SZT2: variants seen among roughly 807,000 people sequenced by gnomAD.
The protein encoded by SZT2 is KICSTOR complex protein SZT2.
In SZT2, 216 loss-of-function variants were observed where a neutral mutation model predicts 404.2. The observed-to-expected ratio is 0.53, with a 90% confidence interval of 0.48 to 0.60. SZT2 has a LOEUF of 0.60. Among genes scored for constraint, SZT2 ranks in the 20% least tolerant of loss-of-function variants. The pLI is 0.00. For synonymous variants in SZT2, 1,693 were observed against 1,749.9 expected, an observed-to-expected ratio of 0.97 and a Z score of 0.81; for missense variants, 3,857 against 4,459.2, an observed-to-expected ratio of 0.86 and a Z score of 3.85.
In SZT2 at chr1:43,442,998, C is replaced by T. The variant is rs774971146; in HGVS notation, c.8331C>T (p.Ser2777=). The change falls in exon 59 of 72, where the codon AGC becomes AGT. Residue 2777 remains serine, a synonymous_variant. Coordinates refer to ENST00000634258, the MANE Select transcript of SZT2 (RefSeq NM_001365999.1). The surrounding 1 kb of genome is among the most constrained non-coding windows in gnomAD (Gnocchi z 4.5). ...ALRDITAARP[S]SVLGPVPRPP... ...GGGATATCACGGCTGCCCGCCCCAG[C>T]TCCGTACTTGGTCCTGTGCCCAGAC... 3.1e-6 allele frequency: 5 copies of T among 1,614,072 alleles called. No homozygotes were observed. The East Asian group carries it at 8.9e-5, about 29-fold the overall frequency.
In SZT2 at chr1:43,426,273, C is replaced by A; in HGVS notation, c.3044-95C>A. The stretch of plus-strand genomic sequence containing the variant: ...ATGAGTGGTGGGGGCAGGAGGAGCC[C>A]ATGAGGCTGAAGGAGGGGCCAGCTG... On this transcript the variant is annotated intron_variant, in intron 21 of 71. Transcript: ENST00000634258. The surrounding 1 kb of genome is among the most constrained non-coding windows in gnomAD (Gnocchi z 4.9). 6.7e-7 allele frequency: 1 copy of A among 1,493,786 alleles called. No homozygotes were observed. The highest frequency in any genetic ancestry group is 9.0e-7 in the Non-Finnish European group (1 of 1,114,236). The allele number at this position is 1,493,786 out of a possible 1,614,324, so 92.5% of individuals were successfully genotyped here. A position where few individuals can be genotyped will look rare whatever the true frequency, so the allele number is the denominator to read the frequency against.
intron 46 of SZT2, 110 bp from the exon 47 acceptor site, chr1:43,438,589 C>T (rs1654715734): frequency 2.9e-6 from 3 of 1,038,836 alleles, no homozygotes; most frequent in Non-Finnish European, 4.4e-6. Flanking sequence ...GCACTCCTAA[C>T]ACTGCCTCTA....
chr1:43,451,082 G>T lies in SZT2; in HGVS notation c.*602G>T. 1 of 835,024 alleles carries T rather than the reference G, an allele frequency of 1.2e-6. No individual in the cohort carries two copies. Among genetic ancestry groups the T allele is most frequent in the South Asian group, 1.3e-5 (1 of 74,850 alleles). 51.7% of individuals were successfully genotyped at this position (835,024 alleles called of 1,614,324 possible). A position where few individuals can be genotyped will look rare whatever the true frequency, so the allele number is the denominator to read the frequency against. ...CAACCCTGGCACTGGCTTCTCAATG[G>T]GAGGGAAGCAGCAGAGAAACTGAAG... On this transcript the variant is annotated 3_prime_UTR_variant, in exon 72 of 72. Coordinates refer to ENST00000634258, the MANE Select transcript of SZT2 (RefSeq NM_001365999.1).
chr1:43,451,369 C>A lies in SZT2; in HGVS notation c.*889C>A, dbSNP rs747330436. 1 of 1,611,948 alleles carries A rather than the reference C, an allele frequency of 6.2e-7. No individual in the cohort carries two copies. Among genetic ancestry groups the A allele is most frequent in the Non-Finnish European group, 8.5e-7 (1 of 1,180,002 alleles). On this transcript the variant is annotated 3_prime_UTR_variant, in exon 72 of 72. Coordinates refer to ENST00000634258, the MANE Select transcript of SZT2 (RefSeq NM_001365999.1). ...CCACAAGGAGAAAACAGCCCCTGTC[C>A]GGGTCCCTCCAGAGCTCCCTTCCCC... is the stretch of plus-strand genomic sequence containing the variant.
chr1:43,422,608 A>T lies in SZT2; in HGVS notation c.1898A>T (p.Tyr633Phe), dbSNP rs769983506. ...DWSSFVLVEG[Y>F]SYVKLLSSAP... ...AGCAGCTTCGTACTAGTCGAGGGCT[A>T]TTCTTATGTTAAGCTGCTCTCCAGG... Residue 633 changes from tyrosine (Y) to phenylalanine (F), a missense_variant, in exon 13 of 72, where the codon TAT becomes TTT. Physicochemically the swap from Tyr to Phe is conservative, Grantham distance 22. Transcript: ENST00000634258. 40 of 1,596,706 alleles carry T rather than the reference A, an allele frequency of 2.5e-5. No homozygotes were observed. In the African/African-American group the frequency reaches 4.8e-4, roughly 19 times the overall value.
chr1:43,449,430 C>G (rs1570749023), intron 70 of SZT2: 1 of 159,408 alleles, frequency 6.3e-6, no homozygotes, highest in Non-Finnish European at 1.4e-5. Flanking sequence ...GAAGGGTCTC[C>G]CAGAGAAGCC....
In SZT2 at chr1:43,416,121, G is replaced by T. The variant is rs755095090; in HGVS notation, c.772+20G>T. 31 of 1,596,688 alleles carry T rather than the reference G, an allele frequency of 1.9e-5. No homozygotes were observed. Among genetic ancestry groups the T allele is most frequent in the Non-Finnish European group, 2.5e-5 (29 of 1,178,802 alleles). ...GTGCAGGTCAGTAGAAGGAATATTG[G>T]TGGGACTGGGGAAGCAGGGATACAG... is the stretch of plus-strand genomic sequence containing the variant. On this transcript the variant is annotated intron_variant, in intron 6 of 71. Transcript: ENST00000634258.
Position 43,432,247 on chromosome 1 carries a change from T to C in SZT2, c.5275-25T>C. 3 of 1,527,084 alleles carry C rather than the reference T, an allele frequency of 2.0e-6. No individual in the cohort carries two copies. In the South Asian group the frequency reaches 3.9e-5, roughly 20 times the overall value. 94.6% of individuals were successfully genotyped at this position (1,527,084 alleles called of 1,614,324 possible). On this transcript the variant is annotated intron_variant, in intron 36 of 71. Coordinates refer to ENST00000634258, the MANE Select transcript of SZT2 (RefSeq NM_001365999.1). Reference sequence around the variant, plus strand: ...GTAGGGAGGACTGCCCTGCCTAAACTGTGATCTTGGCTCCTGCTCTCTAGG... The same window carrying C: ...GTAGGGAGGACTGCCCTGCCTAAACCGTGATCTTGGCTCCTGCTCTCTAGG...
intron 4 of SZT2, among the ~76,000 whole-genome samples, chr1:43,408,279 T>A (rs1431346806): frequency 2.6e-5 from 4 of 152,024 alleles, no homozygotes; most frequent in Admixed American, 6.6e-5. Flanking sequence ...TTGTTTTGTT[T>A]AAGAGACAGG....
At chr1:43,402,192 C>T (rs1364510854) in intron 1 of SZT2, among the ~76,000 whole-genome samples, 1 of 152,158 alleles carries the variant, frequency 6.6e-6, no homozygotes, top group Non-Finnish European at 1.5e-5. Flanking sequence ...TAATCAGGGA[C>T]ACAGGAGGAG....
At position 43,427,401 on chromosome 1, in the gene SZT2, CT is replaced by C; in HGVS notation, c.3555del (p.Thr1186GlnfsTer10). On this transcript the variant is annotated frameshift_variant, in exon 25 of 72. Coordinates refer to ENST00000634258, the MANE Select transcript of SZT2 (RefSeq NM_001365999.1). LOFTEE classifies it high-confidence loss of function. ...LKDLGGTGIK[A>X]TKSHVPVLSV... ...GATCTAGGAGGAACTGGGATCAAAG[CT>C]ACAAAGTCCCACGTCCCTGTCCTCA... 6.2e-7 allele frequency: 1 copy of C among 1,613,814 alleles called. No homozygotes were observed. The highest frequency in any genetic ancestry group is 1.1e-5 in the South Asian group (1 of 90,994).
rs192791002 is a variant in SZT2 at position 43,439,663 on chromosome 1, G to A, written c.6936G>A (p.Ala2312=). 24 of 1,613,518 alleles carry A rather than the reference G, an allele frequency of 1.5e-5. No individual in the cohort carries two copies. Among genetic ancestry groups the A allele is most frequent in the Admixed American group, 8.3e-5 (5 of 59,914 alleles). ...AAGGAGGGGCCCCCTTGTCACTGGC[G>A]TTGTGGCCCCCCTCCTCTCCGGGGC... ...VDEGGAPLSL[A]LWPPSSPGPP... Residue 2312 remains alanine (A), a synonymous_variant, in exon 50 of 72, where the codon GCG becomes GCA. Coordinates refer to ENST00000634258, the MANE Select transcript of SZT2 (RefSeq NM_001365999.1). This position sits in a 1 kb window ranked among gnomAD's most constrained non-coding sequence, Gnocchi z 4.2.
In SZT2 at chr1:43,389,914, G is replaced by C. The variant is rs1354182134; in HGVS notation, c.-55G>C. ...GCTGGGTGCCGAGGTAGCGAGGTCA[G>C]GGGTCAAGAGTGGAACACCCTCACT... On this transcript the variant is annotated 5_prime_UTR_variant, in exon 1 of 72. Transcript: ENST00000634258. The C allele has an allele frequency of 6.5e-7, 1 of 1,538,394 alleles. No individual in the cohort carries two copies. The highest frequency in any genetic ancestry group is 2.4e-5 in the East Asian group (1 of 40,914).
At chr1:43,409,623 GC>G (rs1181602391) in intron 4 of SZT2, 3 of 201,062 alleles carry the variant, frequency 1.5e-5, no homozygotes, top group Non-Finnish European at 3.2e-5. Context: ...CTGTATGTCA[GC>G]AGCAGACAAT....
Position 43,441,345 on chromosome 1 carries a change from G to C in SZT2, c.7476G>C (p.Arg2492=). The stretch of plus-strand genomic sequence containing the variant: ...TTCGGACTCCTGGTGGAGCTGAGCG[G>C]GCGCCAGGCTCAGATTCTGGAGCCC... ...ESVRTPGGAE[R]APGSDSGAQR... Residue 2492 remains arginine, a synonymous_variant, in exon 53 of 72, where the codon CGG becomes CGC. Transcript: ENST00000634258. This position sits in a 1 kb window ranked among gnomAD's most constrained non-coding sequence, Gnocchi z 4.8. 1 of 1,614,222 alleles carries C rather than the reference G, an allele frequency of 6.2e-7. No homozygotes were observed. The highest frequency in any genetic ancestry group is 8.5e-7 in the Non-Finnish European group (1 of 1,180,038).
intron 41 of SZT2, among the ~76,000 whole-genome samples, 163 bp downstream of exon 41, chr1:43,434,648 C>A (rs746901189): frequency 6.6e-6 from 1 of 152,190 alleles, no homozygotes; most frequent in Non-Finnish European, 1.5e-5. Context: ...CAGCTCCCTA[C>A]AGCCTTGGGA....
In SZT2 at chr1:43,453,676, G is replaced by C. The variant is rs956621312; in HGVS notation, c.*3196G>C. ...AGCGCCTCAGGCGTCTCCGCGTACG[G>C]CCAGGCCACCTCGACGGCCTCGAAG... On this transcript the variant is annotated 3_prime_UTR_variant, in exon 72 of 72. Coordinates refer to ENST00000634258, the MANE Select transcript of SZT2 (RefSeq NM_001365999.1). 42 of 1,470,018 alleles carry C rather than the reference G, an allele frequency of 2.9e-5. No individual in the cohort carries two copies. The highest frequency in any genetic ancestry group is 3.3e-5 in the Non-Finnish European group (37 of 1,119,450). 91.1% of individuals were successfully genotyped at this position (1,470,018 alleles called of 1,614,324 possible). A position where few individuals can be genotyped will look rare whatever the true frequency, so the allele number is the denominator to read the frequency against.
Position 43,453,820 on chromosome 1 carries a change from T to C in SZT2, c.*3340T>C. 1.6e-6 allele frequency: 2 copies of C among 1,231,006 alleles called. No homozygotes were observed. Among genetic ancestry groups the C allele is most frequent in the Non-Finnish European group, 2.0e-6 (2 of 989,914 alleles). The allele number at this position is 1,231,006 out of a possible 1,614,324, so 76.3% of individuals were successfully genotyped here. A position where few individuals can be genotyped will look rare whatever the true frequency, so the allele number is the denominator to read the frequency against. On this transcript the variant is annotated 3_prime_UTR_variant, in exon 72 of 72. Coordinates refer to ENST00000634258, the MANE Select transcript of SZT2 (RefSeq NM_001365999.1). ...CCTGGGGAGGCCGGGCCGGGCGGAGTCCGCGGGATCCAAAGGCGGCGGGCG... is the reference window on the plus strand; with the variant it reads ...CCTGGGGAGGCCGGGCCGGGCGGAGCCCGCGGGATCCAAAGGCGGCGGGCG...
chr1:43,413,426 A>G (rs544790358), intron 4 of SZT2, among the ~76,000 whole-genome samples: 1 of 152,296 alleles, frequency 6.6e-6, no homozygotes, highest in South Asian at 2.1e-4. Flanking sequence ...GAGCTACCAT[A>G]TGATCTAGCA....
Sources: gnomAD v4.1 joint callset for allele counts (sites outside exome capture counted in the v4.1 genomes callset) on GRCh38, gnomAD v4.1.1 for gene constraint, Gnocchi (gnomAD v3.1) non-coding constraint, MANE v1.5 for transcripts, NCBI Gene and HGNC (gene_info 2026-07-23, HGNC 2026-07-21) for gene names.